PCDHGA5: variants seen among roughly 807,000 people sequenced by gnomAD.
PCDHGA5 encodes protocadherin gamma-A5.
PCDHGA5 carries 36 observed loss-of-function variants against 56.7 expected under a neutral mutation model. The ratio of observed to expected loss-of-function variants is 0.64; its 90% CI spans 0.49 to 0.84. The LOEUF is 0.84. PCDHGA5 is among the 40% of genes least tolerant of loss of function. PCDHGA5 has a pLI of 0.00. For synonymous variants in PCDHGA5, 563 were observed against 520.2 expected (o/e 1.08, Z -1.12); for missense variants, 1,305 against 1,201.5 (o/e 1.09, Z -1.27).
At position 141,487,382 on chromosome 5, in the gene PCDHGA5, T is replaced by A. The variant is rs755316738; in HGVS notation, c.2422-7425T>A. 6.2e-7 allele frequency: 1 copy of A among 1,614,172 alleles called. No individual in the cohort carries two copies. The highest frequency in any genetic ancestry group is 2.2e-5 in the East Asian group (1 of 44,854). On this transcript the variant is annotated intron_variant, in intron 1 of 3. Transcript: ENST00000518069. The surrounding 1 kb of genome is among the most constrained non-coding windows in gnomAD (Gnocchi z 5.0). ...TGGCACCTGTGCCTGTCTCACCAGA[T>A]CTCGAAGGAGGGAGGGGCTTCCCCC...
chr5:141,442,650 G>A (rs192694987), intron 1 of PCDHGA5, among the ~76,000 whole-genome samples: 83 of 152,350 alleles, frequency 5.4e-4, no homozygotes, highest in Admixed American at 9.1e-4. Flanking sequence ...CCTAAGATGA[G>A]AAATATTTGG....
At chr5:141,393,319 G>A (rs2092728293) in intron 1 of PCDHGA5, 1 of 1,612,192 alleles carries the variant, frequency 6.2e-7, no homozygotes, top group Admixed American at 1.7e-5. Flanking sequence ...TCCCTCCAGA[G>A]CTACCAGCTC....
At chr5:141,410,394 T>C in intron 1 of PCDHGA5, 1 of 1,614,054 alleles carries the variant, frequency 6.2e-7, no homozygotes, top group Non-Finnish European at 8.5e-7. Context: ...CATCCTGGTC[T>C]CTGTGTCAAG....
At chr5:141,436,318 CTG>C (rs1309397202) in intron 1 of PCDHGA5, among the ~76,000 whole-genome samples, 1 of 152,154 alleles carries the variant, frequency 6.6e-6, no homozygotes, top group Non-Finnish European at 1.5e-5. Flanking sequence ...ATAGTCAAGA[CTG>C]TTAGACCATA....
intron 1 of PCDHGA5, chr5:141,394,556 C>T (rs752795340): frequency 1.9e-6 from 3 of 1,614,112 alleles, no homozygotes; most frequent in Admixed American, 3.3e-5. Context: ...CGCCCCGCTC[C>T]GCAGAGCGTG....
chr5:141,415,585 C>G (rs1589974529), intron 1 of PCDHGA5: 5 of 1,613,900 alleles, frequency 3.1e-6, no homozygotes, highest in Non-Finnish European at 3.4e-6. Context: ...TTCGAAGTTT[C>G]CTATAGAGGA....
intron 1 of PCDHGA5, chr5:141,374,740 C>A (rs1337639511): frequency 6.2e-7 from 1 of 1,611,592 alleles, no homozygotes; most frequent in Admixed American, 1.7e-5. Context: ...ATGGCGGCGA[C>A]CCTGTCCGCT....
rs1269856662 is a variant in PCDHGA5, at chr5:141,375,833, C to A, written c.2421+9082C>A. On this transcript the variant is annotated intron_variant, in intron 1 of 3. Coordinates refer to ENST00000518069, the MANE Select transcript of PCDHGA5 (RefSeq NM_018918.3). The stretch of plus-strand genomic sequence containing the variant: ...GGAGCTGGCGCCCCGCTCCGCAGAG[C>A]CCGGCTACCTGGTGACCAAGGTGGT... 6.2e-7 allele frequency: 1 copy of A among 1,614,034 alleles called. No homozygotes were observed. Among genetic ancestry groups the A allele is most frequent in the Non-Finnish European group, 8.5e-7 (1 of 1,180,048 alleles).
intron 1 of PCDHGA5, among the ~76,000 whole-genome samples, chr5:141,430,357 T>C (rs1258305414): frequency 1.3e-5 from 2 of 149,904 alleles, no homozygotes; most frequent in Non-Finnish European, 3.0e-5. Context: ...ATTTAAAAGC[T>C]CATTGGGGAA....
intron 1 of PCDHGA5, chr5:141,372,254 C>G: frequency 6.2e-7 from 1 of 1,613,086 alleles, no homozygotes; most frequent in Non-Finnish European, 8.5e-7. Context: ...TCAGCCTGGG[C>G]CTGCGCACGG....
At chr5:141,468,755 A>G (rs918829539) in intron 1 of PCDHGA5, among the ~76,000 whole-genome samples, 3 of 151,976 alleles carry the variant, frequency 2.0e-5, no homozygotes, top group African/African-American at 7.2e-5. Flanking sequence ...AGTCCCAGCT[A>G]CTCGGGAGGC....
chr5:141,404,021 A>C lies in PCDHGA5; in HGVS notation c.2421+37270A>C, dbSNP rs192150782. 5 of 1,613,894 alleles carry C rather than the reference A, an allele frequency of 3.1e-6. No individual in the cohort carries two copies. The African/African-American group carries it at 4.0e-5, about 13-fold the overall frequency. ...CATTACATCTCTGTTTAGCCCAGTG[A>C]GAGAAGACGCACCTCAGGGAACAGT... On this transcript the variant is annotated intron_variant, in intron 1 of 3. Coordinates refer to ENST00000518069, the MANE Select transcript of PCDHGA5 (RefSeq NM_018918.3).
intron 1 of PCDHGA5, among the ~76,000 whole-genome samples, chr5:141,463,545 T>C (rs1433047951): frequency 6.8e-6 from 1 of 146,704 alleles, no homozygotes; most frequent in East Asian, 2.1e-4. Flanking sequence ...GGCTCCCGGG[T>C]TCATGCCATT....
intron 2 of PCDHGA5, 54 bp downstream of exon 2, chr5:141,494,919 T>A: frequency 6.2e-7 from 1 of 1,613,926 alleles, no homozygotes; most frequent in South Asian, 1.1e-5. Flanking sequence ...TTCTCAGGGA[T>A]GACGTGGGAG....
At position 141,419,726 on chromosome 5, in the gene PCDHGA5, A is replaced by AC. The variant is rs757890106; in HGVS notation, c.2421+52976dup. On this transcript the variant is annotated intron_variant, in intron 1 of 3. Coordinates refer to ENST00000518069, the MANE Select transcript of PCDHGA5 (RefSeq NM_018918.3). ...CGGGCTCTTCAGCCTGGGGCTGCGA[A>AC]CAGGCGAGGTGCGCATGGTGCGTGC... 3.1e-6 allele frequency: 5 copies of AC among 1,613,402 alleles called. No individual in the cohort carries two copies. The Admixed American group carries it at 8.3e-5, about 27-fold the overall frequency.
At chr5:141,478,142 G>C in intron 1 of PCDHGA5, 1 of 1,613,988 alleles carries the variant, frequency 6.2e-7, no homozygotes, top group South Asian at 1.1e-5. Flanking sequence ...AGCCCGAGCC[G>C]AGTTCCCCTC....
At chr5:141,453,351 C>T (rs1210851703) in intron 1 of PCDHGA5, among the ~76,000 whole-genome samples, 3 of 151,738 alleles carry the variant, frequency 2.0e-5, no homozygotes, top group African/African-American at 7.3e-5. Context: ...CCAGGCTGAC[C>T]CTGAACTCCT....
Position 141,365,034 on chromosome 5 carries a change from C to T in PCDHGA5, c.704C>T (p.Ala235Val), listed in dbSNP as rs759635927. The T allele has an allele frequency of 8.7e-6, 14 of 1,613,758 alleles. No homozygotes were observed. The African/African-American group carries it at 1.7e-4, about 20-fold the overall frequency. ...CACATCCGTGTTACGGTCCTCGACGCAAACGACAATGCGCCCCTGTTCACC... is the reference window on the plus strand; with the variant it reads ...CACATCCGTGTTACGGTCCTCGACGTAAACGACAATGCGCCCCTGTTCACC... Reference protein sequence around the residue: ...TTHIRVTVLDANDNAPLFTPS... With the variant: ...TTHIRVTVLDVNDNAPLFTPS... Residue 235 changes from alanine (A) to valine (V), a missense_variant, in exon 1 of 4, where the codon GCA becomes GTA. Physicochemically the swap from Ala to Val is moderately conservative, Grantham distance 64 (BLOSUM62 0). Coordinates refer to ENST00000518069, the MANE Select transcript of PCDHGA5 (RefSeq NM_018918.3).
rs1303712746 is a variant in PCDHGA5 at position 141,512,800 on chromosome 5, C to G, written c.*1627C>G. The G allele has an allele frequency of 1.3e-5, 2 of 152,238 alleles. No homozygotes were observed. Among genetic ancestry groups the G allele is most frequent in the African/African-American group, 4.8e-5 (2 of 41,434 alleles). The allele number at this position is 152,238 out of a possible 1,614,324, so 9.4% of individuals were successfully genotyped here. A position where few individuals can be genotyped will look rare whatever the true frequency, so the allele number is the denominator to read the frequency against. On this transcript the variant is annotated 3_prime_UTR_variant, in exon 4 of 4. Coordinates refer to ENST00000518069, the MANE Select transcript of PCDHGA5 (RefSeq NM_018918.3). Reference sequence around the variant, plus strand: ...GCCCGTGTTGTGTTTTGTGCTGTGTCCACGCGCTAAGGCGACCCCCTCCCC... The same window carrying G: ...GCCCGTGTTGTGTTTTGTGCTGTGTGCACGCGCTAAGGCGACCCCCTCCCC...
Sources: gnomAD v4.1 joint callset for allele counts (sites outside exome capture counted in the v4.1 genomes callset) on GRCh38, gnomAD v4.1.1 for gene constraint, Gnocchi (gnomAD v3.1) non-coding constraint, MANE v1.5 for transcripts, NCBI Gene and HGNC (gene_info 2026-07-23, HGNC 2026-07-21) for gene names.